The following RASAL2 variants were observed in gnomAD, a reference collection of about 807,000 sequenced individuals.
The protein encoded by RASAL2 is RAS protein activator like 2, also known as ras GTPase-activating protein nGAP.
In RASAL2, 58 loss-of-function variants were observed where a neutral mutation model predicts 128.9. The observed-to-expected ratio is 0.45, with a 90% CI of 0.36 to 0.56. The LOEUF is 0.56. Ranked by LOEUF, RASAL2 falls within the 20% of genes least tolerant of loss-of-function variation. RASAL2 has a pLI of 0.00. For missense variants in RASAL2, 1,360 were observed against 1,601.6 expected, an observed-to-expected ratio of 0.85 and a Z score of 2.57; for synonymous variants, 561 against 580.8, an observed-to-expected ratio of 0.97 and a Z score of 0.49.
In RASAL2 at chr1:178,350,491, C is replaced by T. The variant is rs568197492; in HGVS notation, c.458-39609C>T. On this transcript the variant is annotated intron_variant, in intron 3 of 17. Transcript: ENST00000367649. The stretch of plus-strand genomic sequence containing the variant: ...TCAGGCAGTCCGCCTGCCTTGACCT[C>T]CCAAAGTGCTGGGATTACAGGTGTG... 7.1e-4 allele frequency among the ~76,000 whole-genome samples: 108 copies of T among 152,312 alleles called. 1 individual carries two copies. Among genetic ancestry groups the T allele is most frequent in the Non-Finnish European group, 2.9e-5 (2 of 68,030 alleles).
chr1:178,116,778 T>C (rs1398612486), intron 1 of RASAL2, among the ~76,000 whole-genome samples: 2 of 151,900 alleles, frequency 1.3e-5, no homozygotes, highest in Non-Finnish European at 2.9e-5. Flanking sequence ...CCTGGCTAAT[T>C]TTTTTGTATT....
chr1:178,444,590 T>C (rs951097768), intron 8 of RASAL2, among the ~76,000 whole-genome samples: 9 of 152,176 alleles, frequency 5.9e-5, no homozygotes, highest in African/African-American at 2.2e-4. Context: ...ACAACCAACA[T>C]TGAGCTTTAC....
intron 4 of RASAL2, among the ~76,000 whole-genome samples, chr1:178,394,549 G>A (rs1282923707): frequency 6.6e-6 from 1 of 152,030 alleles, no homozygotes; most frequent in Non-Finnish European, 1.5e-5. Flanking sequence ...CATCAATTTG[G>A]CTTCGGTCAA....
chr1:178,409,092 C>T (rs1416567235), intron 4 of RASAL2, among the ~76,000 whole-genome samples: 4 of 152,194 alleles, frequency 2.6e-5, no homozygotes, highest in African/African-American at 9.6e-5. Context: ...CAAGAGAGAG[C>T]AAGCGGGGAA....
chr1:178,324,404 C>T (rs1668933289), intron 3 of RASAL2, among the ~76,000 whole-genome samples: 1 of 150,100 alleles, frequency 6.7e-6, no homozygotes, highest in African/African-American at 2.5e-5. Flanking sequence ...GAGCAAGACT[C>T]GATCTCTAGG....
At chr1:178,319,063 G>C (rs1372923348) in intron 3 of RASAL2, among the ~76,000 whole-genome samples, 1 of 152,050 alleles carries the variant, frequency 6.6e-6, no homozygotes, top group Non-Finnish European at 1.5e-5. Flanking sequence ...AGCTTAGTTT[G>C]GCTGGATATG....
intron 1 of RASAL2, among the ~76,000 whole-genome samples, chr1:178,095,306 A>G (rs1658633433): frequency 6.6e-6 from 1 of 152,220 alleles, no homozygotes; most frequent in Admixed American, 6.5e-5. Flanking sequence ...AGTGATGAAC[A>G]CACTAAAACT....
At chr1:178,341,356 G>A in intron 3 of RASAL2, 2 of 1,163,154 alleles carry the variant, frequency 1.7e-6, no homozygotes, top group Middle Eastern at 3.2e-4. Context: ...AAGGAAGGGT[G>A]GCTATTGTTT....
intron 1 of RASAL2, among the ~76,000 whole-genome samples, chr1:178,195,098 A>G (rs1662617097): frequency 6.6e-6 from 1 of 152,164 alleles, no homozygotes; most frequent in Non-Finnish European, 1.5e-5. Flanking sequence ...TACACAGTGC[A>G]TTTCCACTGT....
intron 4 of RASAL2, among the ~76,000 whole-genome samples, chr1:178,405,140 G>A (rs1170680278): frequency 1.3e-5 from 2 of 152,076 alleles, no homozygotes; most frequent in Non-Finnish European, 2.9e-5. Context: ...CTTCTACAGG[G>A]GATTTGGCAA....
rs554122521 is a variant in RASAL2, at chr1:178,289,853, G to T, written c.330+6162G>T. Among the ~76,000 whole-genome samples, 6 of 152,178 alleles carry T rather than the reference G, an allele frequency of 3.9e-5. No individual in the cohort carries two copies. In the South Asian group the frequency reaches 1.2e-3, roughly 32 times the overall value. ...CATCGTTATTTCATGAGTACATCAG[G>T]CATGTTCCTCCCTAAGGCCGTGGTC... On this transcript the variant is annotated intron_variant, in intron 2 of 17. Transcript: ENST00000367649.
intron 1 of RASAL2, among the ~76,000 whole-genome samples, chr1:178,209,002 A>G (rs1449379499): frequency 6.6e-6 from 1 of 151,940 alleles, no homozygotes; most frequent in African/African-American, 2.4e-5. Context: ...AAATGATCGT[A>G]TGGTACTTTG....
chr1:178,239,534 T>A (rs138750451), intron 1 of RASAL2, among the ~76,000 whole-genome samples: 142 of 152,220 alleles, frequency 9.3e-4, no homozygotes, highest in Non-Finnish European at 1.6e-3. Flanking sequence ...ACTTAGTGAT[T>A]CTATTATTTA....
Position 178,458,329 on chromosome 1 carries a change from A to C in RASAL2, c.3037A>C (p.Lys1013Gln). ...QNSTGQAQIRKVDQGGLGARA... is the reference protein window; with the variant it reads ...QNSTGQAQIRQVDQGGLGARA... The stretch of plus-strand genomic sequence containing the variant: ...TAGTACTGGGCAGGCCCAGATCCGA[A>C]AAGTGGACCAGGGTGGGTTAGGTGC... The change falls in exon 14 of 18, where the codon AAA becomes CAA. Residue 1013 changes from lysine (K) to glutamine (Q), a missense_variant. By Grantham distance (53) the Lys-to-Gln change is moderately conservative. Around this residue, in one of 3 missense-constraint regions of RASAL2, gnomAD observed 741 missense variants for 868.6 expected, o/e 0.85. Transcript: ENST00000367649. 7 of 1,614,224 alleles carry C rather than the reference A, an allele frequency of 4.3e-6. No individual in the cohort carries two copies. Among genetic ancestry groups the C allele is most frequent in the Non-Finnish European group, 5.9e-6 (7 of 1,180,042 alleles).
chr1:178,414,832 G>T (rs1261159102), intron 4 of RASAL2, among the ~76,000 whole-genome samples: 2 of 151,996 alleles, frequency 1.3e-5, no homozygotes. Context: ...TATAAGTTTG[G>T]CAGATCGTGT....
intron 4 of RASAL2, among the ~76,000 whole-genome samples, chr1:178,406,126 A>G (rs1673984535): frequency 1.3e-5 from 2 of 152,192 alleles, no homozygotes; most frequent in Non-Finnish European, 2.9e-5. Flanking sequence ...TCCAAACCAT[A>G]TGTCCACATA....
intron 3 of RASAL2, among the ~76,000 whole-genome samples, chr1:178,333,516 T>A (rs1379512797): frequency 6.7e-6 from 1 of 149,142 alleles, no homozygotes; most frequent in African/African-American, 2.6e-5. Flanking sequence ...TATATCCTAT[T>A]GCTCAAGGTC....
At chr1:178,320,343 C>A (rs1316567856) in intron 3 of RASAL2, among the ~76,000 whole-genome samples, 1 of 152,234 alleles carries the variant, frequency 6.6e-6, no homozygotes, top group Non-Finnish European at 1.5e-5. Context: ...TTCCCGGCTG[C>A]TTTGTTTGCC....
At chr1:178,202,931 C>T (rs1662923004) in intron 1 of RASAL2, among the ~76,000 whole-genome samples, 1 of 152,184 alleles carries the variant, frequency 6.6e-6, no homozygotes, top group African/African-American at 2.4e-5. Context: ...TTCCACTTAC[C>T]AAGGCTGACT....
Sources: allele counts gnomAD v4.1 joint callset (sites outside exome capture counted in the v4.1 genomes callset), GRCh38; gene constraint gnomAD v4.1.1; regional missense constraint gnomAD v4.1.1; transcripts MANE v1.5; gene names NCBI Gene and HGNC (gene_info 2026-07-23, HGNC 2026-07-21).